KCNMA1: variants seen among roughly 807,000 people sequenced by gnomAD.
The protein encoded by KCNMA1 is potassium calcium-activated channel subfamily M alpha 1.
KCNMA1 carries 29 observed loss-of-function variants against 140.0 expected under a neutral mutation model. The observed-to-expected ratio is 0.21, with a 90% CI of 0.15 to 0.28. The LOEUF is 0.28. Ranked by LOEUF, KCNMA1 falls within the 10% of genes least tolerant of loss-of-function variation. The probability of loss-of-function intolerance (pLI) is 1.00; values close to 1 mark genes in which losing one functional copy is unlikely to be tolerated. For synonymous variants in KCNMA1, 612 were observed against 611.9 expected (o/e 1.00, Z 0.00); for missense variants, 880 against 1,602.2 (o/e 0.55, Z 7.70).
chr10:77,063,020 C>G (rs2095811513), intron 14 of KCNMA1, among the ~76,000 whole-genome samples: 1 of 152,204 alleles, frequency 6.6e-6, no homozygotes, highest in Non-Finnish European at 1.5e-5. Flanking sequence ...TATTCTACAA[C>G]TGAAGAAAGG....
intron 20 of KCNMA1, among the ~76,000 whole-genome samples, chr10:76,959,061 G>A (rs183820954): frequency 8.6e-4 from 131 of 152,154 alleles, no homozygotes; most frequent in African/African-American, 3.1e-3. Context: ...TCCTCTAAAG[G>A]TTTTCGGCCA....
At chr10:77,104,317 A>G (rs2097158521) in intron 9 of KCNMA1, among the ~76,000 whole-genome samples, 1 of 152,220 alleles carries the variant, frequency 6.6e-6, no homozygotes, top group Non-Finnish European at 1.5e-5. Context: ...ACAGCATTTA[A>G]GTTTCACAGG....
chr10:77,591,949 C>T (rs747894572), intron 1 of KCNMA1, among the ~76,000 whole-genome samples: 6 of 152,096 alleles, frequency 3.9e-5, no homozygotes, highest in African/African-American at 1.5e-4. Context: ...AGCTTCTCCA[C>T]GTTTCTCTCA....
intron 3 of KCNMA1, among the ~76,000 whole-genome samples, chr10:77,245,578 A>G (rs896912959): frequency 6.6e-6 from 1 of 152,212 alleles, no homozygotes; most frequent in Non-Finnish European, 1.5e-5. Context: ...CCTGAAGTCC[A>G]TTAGTTTGAT....
intron 2 of KCNMA1, among the ~76,000 whole-genome samples, chr10:77,352,132 C>T (rs2092957506): frequency 6.6e-6 from 1 of 152,254 alleles, no homozygotes; most frequent in Non-Finnish European, 1.5e-5. Flanking sequence ...GTGAAATGTG[C>T]TGTCCGCGTG....
intron 19 of KCNMA1, among the ~76,000 whole-genome samples, chr10:76,991,349 T>A (rs1295260343): frequency 6.6e-6 from 1 of 152,252 alleles, no homozygotes; most frequent in East Asian, 1.9e-4. Flanking sequence ...TTTTTTCTGG[T>A]ACTTTGTTTC....
chr10:77,419,313 C>A (rs952626821), intron 1 of KCNMA1, among the ~76,000 whole-genome samples: 1 of 152,172 alleles, frequency 6.6e-6, no homozygotes, highest in African/African-American at 2.4e-5. Context: ...TGGAAAGACG[C>A]CCCACGTCTC....
chr10:77,624,882 A>C (rs2092239190), intron 1 of KCNMA1, among the ~76,000 whole-genome samples: 1 of 152,046 alleles, frequency 6.6e-6, no homozygotes, highest in Non-Finnish European at 1.5e-5. Context: ...CCTACATCAA[A>C]GTCAGCCTGG....
intron 1 of KCNMA1, among the ~76,000 whole-genome samples, chr10:77,530,853 G>T (rs1159670877): frequency 6.6e-6 from 1 of 152,136 alleles, no homozygotes; most frequent in Non-Finnish European, 1.5e-5. Flanking sequence ...TTTCAAATTA[G>T]CATTGTCCTG....
At chr10:76,928,047 A>G (rs1180789692) in intron 23 of KCNMA1, among the ~76,000 whole-genome samples, 2 of 152,134 alleles carry the variant, frequency 1.3e-5, no homozygotes, top group African/African-American at 4.8e-5. Context: ...CTGGATCACC[A>G]TTGTATACTG....
chr10:77,155,272 T>G (rs1258482604), intron 5 of KCNMA1, among the ~76,000 whole-genome samples: 2 of 152,244 alleles, frequency 1.3e-5, no homozygotes, highest in Non-Finnish European at 2.9e-5. Flanking sequence ...CTTTCCTGCC[T>G]GCTATTGATC....
intron 1 of KCNMA1, among the ~76,000 whole-genome samples, chr10:77,589,848 G>T (rs1292913075): frequency 1.3e-5 from 2 of 152,096 alleles, no homozygotes; most frequent in Non-Finnish European, 2.9e-5. Flanking sequence ...AGCTTCCACA[G>T]TGTGGAAGGG....
At chr10:77,091,388 C>T (rs1468577422) in intron 9 of KCNMA1, 1 of 152,212 alleles carries the variant, frequency 6.6e-6, no homozygotes, top group Non-Finnish European at 1.5e-5. Flanking sequence ...CTGACAGTCC[C>T]TCCAACCGCT....
intron 1 of KCNMA1, among the ~76,000 whole-genome samples, chr10:77,559,143 G>A (rs1444156657): frequency 6.6e-6 from 1 of 152,192 alleles, no homozygotes; most frequent in East Asian, 1.9e-4. Context: ...GTCTAATGGT[G>A]GCCTCTTTGG....
chr10:77,110,451 C>T, intron 7 of KCNMA1, 108 bp from the exon 8 acceptor site: 2 of 902,658 alleles, frequency 2.2e-6, no homozygotes, highest in South Asian at 2.6e-5. Context: ...CTACTGCACA[C>T]CACTCTCCAC....
chr10:77,456,346 C>T (rs149183830), intron 1 of KCNMA1, among the ~76,000 whole-genome samples: 8 of 152,288 alleles, frequency 5.3e-5, no homozygotes, highest in South Asian at 2.1e-4. Context: ...ACAGGACCTC[C>T]GGAGAGAAAC....
chr10:77,443,038 G>C (rs145317189), intron 1 of KCNMA1, among the ~76,000 whole-genome samples: 76 of 152,300 alleles, frequency 5.0e-4, no homozygotes, highest in Non-Finnish European at 9.4e-4. Flanking sequence ...TGTTTGCTCA[G>C]AGACAGGATA....
At chr10:77,248,640 A>ACT (rs1324332320) in intron 3 of KCNMA1, among the ~76,000 whole-genome samples, 2 of 152,220 alleles carry the variant, frequency 1.3e-5, no homozygotes, top group Non-Finnish European at 2.9e-5. Context: ...GTTTTGAATG[A>ACT]AAGACATGGA....
chr10:77,301,548 C>A (rs2076527300), intron 2 of KCNMA1, among the ~76,000 whole-genome samples: 1 of 152,000 alleles, frequency 6.6e-6, no homozygotes, highest in Non-Finnish European at 1.5e-5. Flanking sequence ...ATACCAAGCT[C>A]TTTTCTTTAT....
Sources: allele counts gnomAD v4.1 joint callset (sites outside exome capture counted in the v4.1 genomes callset), GRCh38; gene constraint gnomAD v4.1.1; transcripts MANE v1.5; gene names NCBI Gene and HGNC (gene_info 2026-07-23, HGNC 2026-07-21).